BCAT2: variants seen among roughly 807,000 people sequenced by gnomAD.
The protein encoded by BCAT2 is branched-chain-amino-acid aminotransferase, mitochondrial.
Under a neutral mutation model 52.9 loss-of-function variants are expected in BCAT2, and 44 were observed. That is an observed-to-expected ratio of 0.83 (90% CI 0.65 to 1.07). The LOEUF is 1.07. Among genes scored for constraint, BCAT2 ranks in the 50% least tolerant of loss-of-function variants. BCAT2 has a pLI of 0.00. For synonymous variants in BCAT2, 215 were observed against 217.1 expected (o/e 0.99, Z 0.08); for missense variants, 478 against 521.8 (o/e 0.92, Z 0.82).
chr19:48,795,265 G>T lies in BCAT2; in HGVS notation c.*161C>A. 1 of 905,038 alleles carries T rather than the reference G, an allele frequency of 1.1e-6. No homozygotes were observed. The allele number at this position is 905,038 out of a possible 1,614,324, so 56.1% of individuals were successfully genotyped here. On this transcript the variant is annotated 3_prime_UTR_variant, in exon 11 of 11. Transcript: ENST00000316273. ...CCAAGATGCCTGGGTCGGCCCTTAC[G>T]GCTTTGGGAGTGTCGCAACCACATG...
chr19:48,798,937 C>T (rs1483059110), intron 6 of BCAT2: 1 of 152,320 alleles, frequency 6.6e-6, no homozygotes, highest in African/African-American at 2.4e-5. Flanking sequence ...CCTCTGGCCT[C>T]TGTGAAGGCT....
chr19:48,799,754 C>A lies in BCAT2; in HGVS notation c.616G>T (p.Val206Leu), dbSNP rs1393183522. 1 of 1,581,322 alleles carries A rather than the reference C, an allele frequency of 6.3e-7. No individual in the cohort carries two copies. The stretch of plus-strand genomic sequence containing the variant: ...TCGGCCAGGAGGGAGACCGGGGTCA[C>A]GGAGCCTCCAGGGAAGTAGGCACCC... ...PVGAYFPGGSVTPVSLLADPA... is the reference protein window; with the variant it reads ...PVGAYFPGGSLTPVSLLADPA... The change falls in exon 6 of 11, where the codon GTG becomes TTG. Residue 206 changes from valine (V) to leucine (L), a missense_variant. Val to Leu is a conservative substitution (Grantham distance 32). Transcript: ENST00000316273. This position sits in a 1 kb window ranked among gnomAD's most constrained non-coding sequence, Gnocchi z 5.5.
chr19:48,798,301 C>A (rs1161440417), intron 6 of BCAT2, among the ~76,000 whole-genome samples: 1 of 152,174 alleles, frequency 6.6e-6, no homozygotes, highest in African/African-American at 2.4e-5. Flanking sequence ...AACTGGGCTA[C>A]CTGGATGACT....
In BCAT2 at chr19:48,795,263, A is replaced by T; in HGVS notation, c.*163T>A. 1.1e-6 allele frequency: 1 copy of T among 886,602 alleles called. No individual in the cohort carries two copies. The allele number at this position is 886,602 out of a possible 1,614,324, so 54.9% of individuals were successfully genotyped here. A position where few individuals can be genotyped will look rare whatever the true frequency, so the allele number is the denominator to read the frequency against. ...GGCCAAGATGCCTGGGTCGGCCCTTACGGCTTTGGGAGTGTCGCAACCACA... is the reference window on the plus strand; with the variant it reads ...GGCCAAGATGCCTGGGTCGGCCCTTTCGGCTTTGGGAGTGTCGCAACCACA... On this transcript the variant is annotated 3_prime_UTR_variant, in exon 11 of 11. Transcript: ENST00000316273.
In BCAT2 at chr19:48,795,252, G is replaced by C. The variant is rs2034473945; in HGVS notation, c.*174C>G. Reference sequence around the variant, plus strand: ...GAGGGGCTGGGGGCCAAGATGCCTGGGTCGGCCCTTACGGCTTTGGGAGTG... The same window carrying C: ...GAGGGGCTGGGGGCCAAGATGCCTGCGTCGGCCCTTACGGCTTTGGGAGTG... On this transcript the variant is annotated 3_prime_UTR_variant, in exon 11 of 11. Coordinates refer to ENST00000316273, the MANE Select transcript of BCAT2 (RefSeq NM_001190.4). The C allele has an allele frequency of 1.3e-6, 1 of 760,408 alleles. No individual in the cohort carries two copies. Among genetic ancestry groups the C allele is most frequent in the South Asian group, 1.7e-5 (1 of 59,654 alleles). 47.1% of individuals were successfully genotyped at this position (760,408 alleles called of 1,614,324 possible). A position where few individuals can be genotyped will look rare whatever the true frequency, so the allele number is the denominator to read the frequency against.
At position 48,798,086 on chromosome 19, in the gene BCAT2, G is replaced by C. The variant is rs1236296142; in HGVS notation, c.696-753C>G. 2.0e-5 allele frequency among the ~76,000 whole-genome samples: 3 copies of C among 151,640 alleles called. No individual in the cohort carries two copies. In the East Asian group the frequency reaches 5.8e-4, roughly 30 times the overall value. On this transcript the variant is annotated intron_variant, in intron 6 of 10. Coordinates refer to ENST00000316273, the MANE Select transcript of BCAT2 (RefSeq NM_001190.4). Reference sequence around the variant, plus strand: ...CCCGGCCTTACTTTTTATATTTTTAGTAGAGACGGGGTTTCACCATGTTGG... The same window carrying C: ...CCCGGCCTTACTTTTTATATTTTTACTAGAGACGGGGTTTCACCATGTTGG...
intron 1 of BCAT2, chr19:48,808,400 G>GAAA (rs201269842): frequency 1.3e-4 from 25 of 197,160 alleles, no homozygotes; most frequent in Non-Finnish European, 1.9e-4. Flanking sequence ...CGCACAAACA[G>GAAA]AAAAAAAAAA....
At chr19:48,810,735 CCTT>C (rs1170335904) in intron 1 of BCAT2, 10 of 937,334 alleles carry the variant, frequency 1.1e-5, no homozygotes, top group East Asian at 4.4e-5. Context: ...ACCATGTTTC[CCTT>C]TTTTTTTTTT....
chr19:48,797,388 C>T (rs1424169417), intron 6 of BCAT2, 55 bp from the exon 7 acceptor site: 3 of 1,602,608 alleles, frequency 1.9e-6, no homozygotes, highest in Non-Finnish European at 2.6e-6. Context: ...CTTCCCCAGC[C>T]CAGCCCCAGA....
At position 48,807,350 on chromosome 19, in the gene BCAT2, G is replaced by A. The variant is rs969024266; in HGVS notation, c.25-276C>T. 6 of 372,674 alleles carry A rather than the reference G, an allele frequency of 1.6e-5. No homozygotes were observed. The highest frequency in any genetic ancestry group is 7.8e-4 in the Middle Eastern group (1 of 1,286). The allele number at this position is 372,674 out of a possible 1,614,324, so 23.1% of individuals were successfully genotyped here. A position where few individuals can be genotyped will look rare whatever the true frequency, so the allele number is the denominator to read the frequency against. ...CCTCCCACCCCAGAGACCTTTGGTCGCAGCCTGGAGATCAGCTCAGACAAG... is the reference window on the plus strand; with the variant it reads ...CCTCCCACCCCAGAGACCTTTGGTCACAGCCTGGAGATCAGCTCAGACAAG... On this transcript the variant is annotated intron_variant, in intron 1 of 10. Coordinates refer to ENST00000316273, the MANE Select transcript of BCAT2 (RefSeq NM_001190.4). This position sits in a 1 kb window ranked among gnomAD's most constrained non-coding sequence, Gnocchi z 4.6.
Position 48,796,474 on chromosome 19 carries a change from C to T in BCAT2, c.1094G>A (p.Gly365Glu), listed in dbSNP as rs562507811. ...RNLHIPTMEN[G>E]PELILRFQKE... ...CTGGAAGCGGAGGATCAGCTCAGGCCCATTTTCCATGGTGGGAATGTGGAG... is the reference window on the plus strand; with the variant it reads ...CTGGAAGCGGAGGATCAGCTCAGGCTCATTTTCCATGGTGGGAATGTGGAG... The change falls in exon 10 of 11, where the codon GGG becomes GAG. Residue 365 changes from glycine to glutamate, a missense_variant. Transcript: ENST00000316273. The T allele has an allele frequency of 1.2e-6, 2 of 1,613,958 alleles. No individual in the cohort carries two copies. Among genetic ancestry groups the T allele is most frequent in the African/African-American group, 2.7e-5 (2 of 75,058 alleles).
Position 48,807,641 on chromosome 19 carries a change from C to T in BCAT2, c.25-567G>A. On this transcript the variant is annotated intron_variant, in intron 1 of 10. Transcript: ENST00000316273. This position sits in a 1 kb window ranked among gnomAD's most constrained non-coding sequence, Gnocchi z 4.6. ...CCTCCCTTACATCCAGGAGTACAGGCCCCACCCCTCCTCCCTCAGACCCAG... is the reference window on the plus strand; with the variant it reads ...CCTCCCTTACATCCAGGAGTACAGGTCCCACCCCTCCTCCCTCAGACCCAG... 1 of 859,306 alleles carries T rather than the reference C, an allele frequency of 1.2e-6. No individual in the cohort carries two copies. The highest frequency in any genetic ancestry group is 1.4e-6 in the Non-Finnish European group (1 of 713,688). 53.2% of individuals were successfully genotyped at this position (859,306 alleles called of 1,614,324 possible).
At chr19:48,798,374 C>T (rs1035095340) in intron 6 of BCAT2, among the ~76,000 whole-genome samples, 3 of 152,214 alleles carry the variant, frequency 2.0e-5, no homozygotes, top group African/African-American at 7.2e-5. Context: ...CCCATGGCTC[C>T]CCAGTGCCCC....
chr19:48,808,427 T>A (rs1410077572), intron 1 of BCAT2: 8 of 277,744 alleles, frequency 2.9e-5, no homozygotes, highest in African/African-American at 4.6e-5. Context: ...AAACAGAAAT[T>A]GACGCCAAGA....
At position 48,797,879 on chromosome 19, in the gene BCAT2, C is replaced by T. The variant is rs188983724; in HGVS notation, c.696-546G>A. On this transcript the variant is annotated intron_variant, in intron 6 of 10. Transcript: ENST00000316273. ...AGGCTGAGGCTAGAGTGCAGTGGTGCGATCTCAGCTCACTGCAACCTCCGC... is the reference window on the plus strand; with the variant it reads ...AGGCTGAGGCTAGAGTGCAGTGGTGTGATCTCAGCTCACTGCAACCTCCGC... 3.7e-3 allele frequency among the ~76,000 whole-genome samples: 559 copies of T among 149,906 alleles called. 5 individuals are homozygous for T. Among genetic ancestry groups the T allele is most frequent in the Non-Finnish European group, 6.1e-3 (412 of 67,698 alleles).
chr19:48,802,937 C>G (rs994809416), intron 3 of BCAT2, among the ~76,000 whole-genome samples: 1 of 152,190 alleles, frequency 6.6e-6, no homozygotes. Flanking sequence ...TGGCTCATAC[C>G]TGTAACCCCA....
At chr19:48,800,682 C>T (rs1416301878) in intron 3 of BCAT2, among the ~76,000 whole-genome samples, 1 of 152,094 alleles carries the variant, frequency 6.6e-6, no homozygotes, top group South Asian at 2.1e-4. Flanking sequence ...CGTGGTAGCA[C>T]GTGACTGGAG....
chr19:48,797,511 T>C (rs972901654), intron 6 of BCAT2, 178 bp from the exon 7 acceptor site: 2 of 681,338 alleles, frequency 2.9e-6, no homozygotes, highest in Non-Finnish European at 4.9e-6. Context: ...CCTAAATGGT[T>C]ATGTCCCCTC....
chr19:48,803,758 G>A (rs950275941), intron 3 of BCAT2, among the ~76,000 whole-genome samples: 1 of 152,204 alleles, frequency 6.6e-6, no homozygotes, highest in Admixed American at 6.6e-5. Flanking sequence ...CATGGGCTGG[G>A]GTGAGGGACA....
Sources: allele counts gnomAD v4.1 joint callset (sites outside exome capture counted in the v4.1 genomes callset), GRCh38; gene constraint gnomAD v4.1.1; non-coding constraint Gnocchi (gnomAD v3.1); transcripts MANE v1.5; gene names NCBI Gene and HGNC (gene_info 2026-07-23, HGNC 2026-07-21).